The following RASGRF2 variants were observed in gnomAD, a reference collection of about 807,000 sequenced individuals.
RASGRF2 encodes ras-specific guanine nucleotide-releasing factor 2.
Under a neutral mutation model 151.0 loss-of-function variants are expected in RASGRF2, and 76 were observed. The ratio of observed to expected loss-of-function variants is 0.50; its 90% CI spans 0.42 to 0.61. The LOEUF (loss-of-function observed/expected upper bound fraction) is 0.61, where lower values mean the gene tolerates loss of function less well. Among genes scored for constraint, RASGRF2 ranks in the 20% least tolerant of loss-of-function variants. The pLI is 0.00. For synonymous variants in RASGRF2, 504 were observed against 566.5 expected (o/e 0.89, Z 1.57); for missense variants, 1,148 against 1,564.6 (o/e 0.73, Z 4.49).
intron 25 of RASGRF2, among the ~76,000 whole-genome samples, chr5:81,217,846 C>A (rs1352732733): frequency 6.6e-6 from 1 of 151,670 alleles, no homozygotes; most frequent in East Asian, 1.9e-4. Flanking sequence ...GGGTTCACGC[C>A]ATTCTCCTGC....
chr5:81,181,392 T>G (rs1754913828), intron 18 of RASGRF2, among the ~76,000 whole-genome samples: 1 of 152,184 alleles, frequency 6.6e-6, no homozygotes, highest in South Asian at 2.1e-4. Context: ...AAATATTAAT[T>G]AAAGTAATAA....
intron 2 of RASGRF2, among the ~76,000 whole-genome samples, chr5:81,057,908 A>T (rs911513664): frequency 3.3e-5 from 5 of 151,938 alleles, no homozygotes; most frequent in African/African-American, 1.2e-4. Flanking sequence ...AGGCAGGAGG[A>T]TGGCTTGATC....
At chr5:81,033,921 G>A (rs1750367759) in intron 1 of RASGRF2, among the ~76,000 whole-genome samples, 1 of 152,284 alleles carries the variant, frequency 6.6e-6, no homozygotes, top group African/African-American at 2.4e-5. Context: ...CTAATATCCA[G>A]AATCTACAAG....
intron 18 of RASGRF2, among the ~76,000 whole-genome samples, chr5:81,182,470 A>T (rs1192525656): frequency 6.6e-6 from 1 of 152,146 alleles, no homozygotes; most frequent in South Asian, 2.1e-4. Flanking sequence ...TGAAATTTCC[A>T]CTTAATGGGA....
At chr5:81,058,752 G>A (rs887465516) in intron 2 of RASGRF2, among the ~76,000 whole-genome samples, 1 of 137,590 alleles carries the variant, frequency 7.3e-6, no homozygotes, top group African/African-American at 2.7e-5. Flanking sequence ...CTCCAGCCTG[G>A]GCAACAGAGC....
At chr5:81,205,648 A>G (rs1437884309) in intron 19 of RASGRF2, among the ~76,000 whole-genome samples, 1 of 152,208 alleles carries the variant, frequency 6.6e-6, no homozygotes, top group Non-Finnish European at 1.5e-5. Flanking sequence ...CTCTTACTCT[A>G]GTTTCTCTTC....
chr5:81,081,400 G>T (rs933533983), intron 7 of RASGRF2, among the ~76,000 whole-genome samples: 2 of 152,200 alleles, frequency 1.3e-5, no homozygotes, highest in East Asian at 3.9e-4. Flanking sequence ...CCCTTTCTGG[G>T]ACTAGAGCAA....
At chr5:81,180,626 CTG>C (rs1488390410) in intron 18 of RASGRF2, among the ~76,000 whole-genome samples, 2 of 152,074 alleles carry the variant, frequency 1.3e-5, no homozygotes, top group African/African-American at 4.8e-5. Flanking sequence ...AGGGTCTTCT[CTG>C]TAAGTGGAGC....
intron 12 of RASGRF2, among the ~76,000 whole-genome samples, chr5:81,098,226 T>C (rs1234775637): frequency 1.3e-5 from 2 of 152,214 alleles, no homozygotes; most frequent in African/African-American, 4.8e-5. Context: ...TGTCATTACC[T>C]GAGATGGAGA....
At position 81,225,932 on chromosome 5, in the gene RASGRF2, T is replaced by C; in HGVS notation, c.*162T>C. 2.7e-6 allele frequency: 2 copies of C among 737,170 alleles called. No individual in the cohort carries two copies. Among genetic ancestry groups the C allele is most frequent in the Non-Finnish European group, 4.0e-6 (2 of 500,970 alleles). The allele number at this position is 737,170 out of a possible 1,614,324, so 45.7% of individuals were successfully genotyped here. On this transcript the variant is annotated 3_prime_UTR_variant, in exon 27 of 27. Transcript: ENST00000265080. ...TTCTGTCTCCAGAGAGAAACCCAGC[T>C]GTTTGGGTCAAAGACAGATGCTTCA...
Position 80,990,168 on chromosome 5 carries a change from A to G in RASGRF2, c.288+29142A>G, listed in dbSNP as rs567827938. Among the ~76,000 whole-genome samples, 5 of 151,052 alleles carry G rather than the reference A, an allele frequency of 3.3e-5. No homozygotes were observed. The South Asian group carries it at 6.3e-4, about 19-fold the overall frequency. ...CAGGTGCCTTCTATTTGCTTAGCCCAGTGCTCTGTCGCCTAAAGGAAAGAC... is the reference window on the plus strand; with the variant it reads ...CAGGTGCCTTCTATTTGCTTAGCCCGGTGCTCTGTCGCCTAAAGGAAAGAC... On this transcript the variant is annotated intron_variant, in intron 1 of 26. Transcript: ENST00000265080.
intron 17 of RASGRF2, 58 bp from the exon 18 acceptor site, chr5:81,180,117 C>G: frequency 1.0e-6 from 1 of 967,132 alleles, no homozygotes; most frequent in East Asian, 2.4e-5. Context: ...ATGACCTTTT[C>G]CAGGTCCCTA....
chr5:81,162,627 T>G (rs1580370777), intron 17 of RASGRF2, among the ~76,000 whole-genome samples: 1 of 152,270 alleles, frequency 6.6e-6, no homozygotes, highest in East Asian at 1.9e-4. Context: ...ATTACAGGCG[T>G]GAGCCAGCAC....
At chr5:81,092,702 G>C (rs1752425134) in intron 9 of RASGRF2, 99 bp from the exon 10 acceptor site, 1 of 1,093,000 alleles carries the variant, frequency 9.1e-7, no homozygotes, top group African/African-American at 1.6e-5. Context: ...TCAATCCCTG[G>C]TATTTTGGGA....
chr5:81,202,202 T>C (rs1755413222), intron 19 of RASGRF2, among the ~76,000 whole-genome samples: 1 of 152,164 alleles, frequency 6.6e-6, no homozygotes, highest in Admixed American at 6.5e-5. Flanking sequence ...GCTTCCCAGC[T>C]CACTCATAAG....
chr5:81,200,942 G>A (rs1297250531), intron 18 of RASGRF2, among the ~76,000 whole-genome samples: 3 of 152,080 alleles, frequency 2.0e-5, no homozygotes, highest in South Asian at 2.1e-4. Flanking sequence ...TGTTGGGGGC[G>A]TGGTGTGTGT....
chr5:81,205,194 C>T (rs1755478246), intron 19 of RASGRF2, among the ~76,000 whole-genome samples: 1 of 152,174 alleles, frequency 6.6e-6, no homozygotes, highest in Non-Finnish European at 1.5e-5. Context: ...GATAAGAGGG[C>T]TGCTACTAGT....
At chr5:80,995,691 C>CT (rs1554083704) in intron 1 of RASGRF2, among the ~76,000 whole-genome samples, 8 of 129,880 alleles carry the variant, frequency 6.2e-5, no homozygotes, top group East Asian at 4.3e-4. Flanking sequence ...CCTTCCCCCC[C>CT]CCTTTTTTTT....
chr5:81,053,395 G>C (rs996334026), intron 2 of RASGRF2, among the ~76,000 whole-genome samples: 3 of 150,908 alleles, frequency 2.0e-5, no homozygotes, highest in African/African-American at 7.3e-5. Flanking sequence ...TTGCTCTTGC[G>C]ATAGTTTGCT....
Sources: gnomAD v4.1 joint callset for allele counts (sites outside exome capture counted in the v4.1 genomes callset) on GRCh38, gnomAD v4.1.1 for gene constraint, MANE v1.5 for transcripts, NCBI Gene and HGNC (gene_info 2026-07-23, HGNC 2026-07-21) for gene names.